ANK3: variants seen among roughly 807,000 people sequenced by gnomAD.
The protein encoded by ANK3 is ankyrin-3.
In ANK3, 57 loss-of-function variants were observed where a neutral mutation model predicts 370.9. That is an observed-to-expected ratio of 0.15 (90% CI 0.12 to 0.19). ANK3 has a LOEUF of 0.19. Ranked by LOEUF, ANK3 falls within the 10% of genes least tolerant of loss-of-function variation. The pLI is 1.00. For missense variants in ANK3, 4,439 were observed against 5,302.1 expected, an observed-to-expected ratio of 0.84 and a Z score of 5.06; for synonymous variants, 1,929 against 1,946.3, an observed-to-expected ratio of 0.99 and a Z score of 0.23.
At chr10:60,060,728 T>C (rs1350141232) in intron 40 of ANK3, 1 of 152,138 alleles carries the variant, frequency 6.6e-6, no homozygotes, top group Non-Finnish European at 1.5e-5. Context: ...GAAAGGGTTG[T>C]GGAGTACATG....
intron 23 of ANK3, among the ~76,000 whole-genome samples, chr10:60,145,441 T>A (rs2094769325): frequency 6.6e-6 from 1 of 152,148 alleles, no homozygotes. Context: ...TGAAAACTAT[T>A]GGGAAAATAA....
Position 60,032,562 on chromosome 10 carries a change from C to T in ANK3, c.*20-2736G>A, listed in dbSNP as rs151208226. ...ATGTGTGATCATCACTACTTTTCTCCATGTCTCCTAAAAACCAATCCAACT... is the reference window on the plus strand; with the variant it reads ...ATGTGTGATCATCACTACTTTTCTCTATGTCTCCTAAAAACCAATCCAACT... On this transcript the variant is annotated intron_variant, in intron 43 of 43. Transcript: ENST00000280772. 4.4e-3 allele frequency among the ~76,000 whole-genome samples: 662 copies of T among 152,152 alleles called. 5 individuals carry two copies. Among genetic ancestry groups the T allele is most frequent in the African/African-American group, 0.015 (610 of 41,532 alleles).
chr10:60,139,193 A>ATT, intron 23 of ANK3, 106 bp from the exon 24 acceptor site: 1 of 1,351,910 alleles, frequency 7.4e-7, no homozygotes, highest in Non-Finnish European at 1.0e-6. Flanking sequence ...AATATCTCAT[A>ATT]TTCACCTTCC....
intron 1 of ANK3, among the ~76,000 whole-genome samples, chr10:60,306,455 C>A (rs10821715): frequency 0.22 from 3,639 of 16,468 alleles, 89 homozygotes; most frequent in African/African-American, 0.31. Flanking sequence ...ATATATATAT[C>A]TATCTTTATC....
intron 28 of ANK3, among the ~76,000 whole-genome samples, chr10:60,095,897 G>A (rs376010602): frequency 1.3e-5 from 2 of 152,190 alleles, no homozygotes; most frequent in South Asian, 2.1e-4. Flanking sequence ...TCAGAGGCCG[G>A]GTACAGTGGC....
chr10:60,046,351 C>T lies in ANK3; in HGVS notation c.13066-3592G>A, dbSNP rs538456029. On this transcript the variant is annotated intron_variant, in intron 42 of 43. Transcript: ENST00000280772. Reference sequence around the variant, plus strand: ...CGAATGACAAATATTTTTGAGCTAACTTTTGGAAATGTACACATCTTTGAG... The same window carrying T: ...CGAATGACAAATATTTTTGAGCTAATTTTTGGAAATGTACACATCTTTGAG... 2.0e-5 allele frequency among the ~76,000 whole-genome samples: 3 copies of T among 152,244 alleles called. No homozygotes were observed. In the East Asian group the frequency reaches 5.8e-4, roughly 29 times the overall value.
chr10:60,635,028 A>C (rs2078535068), intron 1 of ANK3, among the ~76,000 whole-genome samples: 1 of 152,198 alleles, frequency 6.6e-6, no homozygotes, highest in Non-Finnish European at 1.5e-5. Context: ...CCAAGAACCC[A>C]CCGGAAGGAA....
At chr10:60,678,917 T>C (rs181982416) in intron 1 of ANK3, among the ~76,000 whole-genome samples, 2 of 152,172 alleles carry the variant, frequency 1.3e-5, no homozygotes, top group African/African-American at 4.8e-5. Context: ...TCAGATTGGG[T>C]TTTAAAGGGT....
Position 60,073,432 on chromosome 10 carries a change from C to T in ANK3, c.7449G>A (p.Ser2483=), listed in dbSNP as rs202042356. 3.8e-5 allele frequency: 62 copies of T among 1,613,862 alleles called. No homozygotes were observed. The highest frequency in any genetic ancestry group is 1.7e-4 in the African/African-American group (13 of 75,008). ...TAGGGGGTCCTGCATGGTCTGTAAC[C>T]GATTCCTCAGTATCAGAATGAGACA... ...LDVSHSDTEE[S]VTDHAGPPSS... is the part of the protein sequence containing the mutation. The change falls in exon 37 of 44, where the codon TCG becomes TCA. Residue 2483 remains serine (S), a synonymous_variant. Coordinates refer to ENST00000280772, the MANE Select transcript of ANK3 (RefSeq NM_020987.5).
chr10:60,609,016 T>C (rs1326648813), intron 2 of ANK3, among the ~76,000 whole-genome samples: 9 of 152,164 alleles, frequency 5.9e-5, no homozygotes, highest in African/African-American at 1.7e-4. Flanking sequence ...TCTTAAAACC[T>C]GCTACCTGGA....
At chr10:60,651,310 G>A (rs568411382) in intron 1 of ANK3, among the ~76,000 whole-genome samples, 15 of 152,170 alleles carry the variant, frequency 9.9e-5, no homozygotes, top group Non-Finnish European at 2.1e-4. Context: ...ATCAAGATCA[G>A]CAGTCATTCC....
At chr10:60,452,072 G>C (rs571964139) in intron 2 of ANK3, among the ~76,000 whole-genome samples, 4 of 152,324 alleles carry the variant, frequency 2.6e-5, no homozygotes, top group Admixed American at 1.3e-4. Flanking sequence ...ATATGTTTCT[G>C]TAAATTCACT....
chr10:60,174,182 C>T (rs1405873076), intron 18 of ANK3, among the ~76,000 whole-genome samples: 1 of 152,004 alleles, frequency 6.6e-6, no homozygotes, highest in Non-Finnish European at 1.5e-5. Flanking sequence ...AAAGAGATGC[C>T]CAAACCACAG....
intron 2 of ANK3, among the ~76,000 whole-genome samples, chr10:60,557,129 G>A (rs2077225560): frequency 6.6e-6 from 1 of 152,250 alleles, no homozygotes; most frequent in African/African-American, 2.4e-5. Flanking sequence ...TATGACCATT[G>A]ATTCCACTCC....
chr10:60,186,933 G>C lies in ANK3; in HGVS notation c.1888-21C>G, dbSNP rs1324713486. 1.2e-5 allele frequency: 19 copies of C among 1,610,836 alleles called. 1 individual carries two copies. In the East Asian group the frequency reaches 4.2e-4, roughly 36 times the overall value. On this transcript the variant is annotated intron_variant, in intron 16 of 43. Transcript: ENST00000280772. Reference sequence around the variant, plus strand: ...CCATTCTGTCAACACAAATCACTTGGTCACATGCCCAGGAACAAGATAAAA... The same window carrying C: ...CCATTCTGTCAACACAAATCACTTGCTCACATGCCCAGGAACAAGATAAAA...
chr10:60,379,860 T>C (rs1260873054), intron 1 of ANK3, among the ~76,000 whole-genome samples: 1 of 152,084 alleles, frequency 6.6e-6, no homozygotes, highest in East Asian at 1.9e-4. Context: ...ATGGATGATA[T>C]CGAACATGTC....
In ANK3 at chr10:60,028,042, CA is replaced by C. The variant is rs1436663565; in HGVS notation, c.*1803del. 1.3e-5 allele frequency: 2 copies of C among 152,130 alleles called. No individual in the cohort carries two copies. Among genetic ancestry groups the C allele is most frequent in the African/African-American group, 4.8e-5 (2 of 41,432 alleles). 9.4% of individuals were successfully genotyped at this position (152,130 alleles called of 1,614,324 possible). On this transcript the variant is annotated 3_prime_UTR_variant, in exon 44 of 44. Transcript: ENST00000280772. ...GGACAATAAATGTAAATTAATAAAA[CA>C]AAACAAAAACAAGCTCTGTGGGCTA...
intron 2 of ANK3, among the ~76,000 whole-genome samples, chr10:60,608,127 C>A (rs1001246089): frequency 2.0e-5 from 3 of 152,134 alleles, no homozygotes; most frequent in African/African-American, 7.2e-5. Context: ...ACCTCTGCTC[C>A]CCCATCCATA....
intron 1 of ANK3, among the ~76,000 whole-genome samples, chr10:60,683,099 T>G (rs2079218455): frequency 6.6e-6 from 1 of 152,088 alleles, no homozygotes; most frequent in African/African-American, 2.4e-5. Context: ...GCTTGGTATA[T>G]GAGGAAAAAC....
Sources: gnomAD v4.1 joint callset for allele counts (sites outside exome capture counted in the v4.1 genomes callset) on GRCh38, gnomAD v4.1.1 for gene constraint, MANE v1.5 for transcripts, NCBI Gene and HGNC (gene_info 2026-07-23, HGNC 2026-07-21) for gene names.